The following RALGDS variants were observed in gnomAD, a reference collection of about 807,000 sequenced individuals.
RALGDS encodes ral guanine nucleotide exchange factor.
In RALGDS, 44 loss-of-function variants were observed where a neutral mutation model predicts 99.8. The ratio of observed to expected loss-of-function variants is 0.44; its 90% CI spans 0.35 to 0.57. RALGDS has a LOEUF of 0.57. RALGDS is among the 20% of genes least tolerant of loss of function. The pLI is 0.01. For missense variants in RALGDS, 1,022 were observed against 1,203.1 expected (o/e 0.85, Z 2.23); for synonymous variants, 529 against 505.0 (o/e 1.05, Z -0.64).
chr9:133,108,065 C>A lies in RALGDS; in HGVS notation c.1120G>T (p.Gly374Trp). The part of the protein sequence containing the change: ...SWPSPVVAEN[G>W]LSEEKPHLLV... ...AGGTGAGGCTTCTCCTCACTCAGCCCGTTCTCTGCAACCACAGGTGAAGGC... is the reference window on the plus strand; with the variant it reads ...AGGTGAGGCTTCTCCTCACTCAGCCAGTTCTCTGCAACCACAGGTGAAGGC... Residue 374 changes from glycine to tryptophan, a missense_variant, in exon 6 of 18, where the codon GGG becomes TGG. Transcript: ENST00000372050. 5 of 1,613,672 alleles carry A rather than the reference C, an allele frequency of 3.1e-6. No individual in the cohort carries two copies. The highest frequency in any genetic ancestry group is 2.2e-5 in the South Asian group (2 of 91,086).
intron 1 of RALGDS, among the ~76,000 whole-genome samples, chr9:133,141,510 C>A (rs1399770670): frequency 6.6e-6 from 1 of 151,336 alleles, no homozygotes; most frequent in African/African-American, 2.4e-5. Context: ...TCAGGGCAGA[C>A]AGGGAGGCTC....
At chr9:133,131,024 C>A (rs1564251498) in exon 1 of RALGDS, 4 of 1,534,916 alleles carry the variant, frequency 2.6e-6, no homozygotes, top group Non-Finnish European at 3.5e-6. Flanking sequence ...GGGAGCAGAA[C>A]AGCAGAGGCG....
intron 1 of RALGDS, among the ~76,000 whole-genome samples, chr9:133,142,649 A>T (rs528561796): frequency 6.6e-6 from 1 of 151,914 alleles, no homozygotes; most frequent in Non-Finnish European, 1.5e-5. Context: ...GGGCCCACAT[A>T]CCCCTGGCCC....
At chr9:133,107,630 G>A (rs1459258381) in intron 6 of RALGDS, among the ~76,000 whole-genome samples, 1 of 152,176 alleles carries the variant, frequency 6.6e-6, no homozygotes, top group Non-Finnish European at 1.5e-5. Flanking sequence ...ATAGGCTCCA[G>A]GACACACCAA....
chr9:133,099,172 C>T (rs973938234), intron 17 of RALGDS: 6 of 213,158 alleles, frequency 2.8e-5, no homozygotes, highest in East Asian at 2.3e-4. Context: ...CTCTGGCGCC[C>T]GTTCCAGGGA....
chr9:133,111,980 T>TG (rs1184227305), intron 2 of RALGDS, 62 bp downstream of exon 2: 2 of 1,307,668 alleles, frequency 1.5e-6, no homozygotes, highest in African/African-American at 1.5e-5. Flanking sequence ...GGCCCTCAAG[T>TG]GAAAAAGTCC....
At chr9:133,138,405 G>C (rs1239983947) in intron 1 of RALGDS, among the ~76,000 whole-genome samples, 1 of 152,136 alleles carries the variant, frequency 6.6e-6, no homozygotes, top group Non-Finnish European at 1.5e-5. Flanking sequence ...TGCCTCACCT[G>C]GGATGCCTGA....
chr9:133,140,947 C>T (rs1453852835), intron 1 of RALGDS, among the ~76,000 whole-genome samples: 1 of 152,136 alleles, frequency 6.6e-6, no homozygotes, highest in Non-Finnish European at 1.5e-5. Flanking sequence ...CTGGGGGTGG[C>T]TGGGCAGAGT....
chr9:133,141,619 G>T (rs922095055), intron 1 of RALGDS, among the ~76,000 whole-genome samples: 1 of 152,252 alleles, frequency 6.6e-6, no homozygotes, highest in African/African-American at 2.4e-5. Context: ...CTCACCTGAG[G>T]ACCAGGGGCC....
intron 3 of RALGDS, 64 bp from the exon 4 acceptor site, chr9:133,109,785 G>T: frequency 7.0e-7 from 1 of 1,427,534 alleles, no homozygotes; most frequent in Non-Finnish European, 9.9e-7. Context: ...AGGAGGGCAG[G>T]GATTTTTTTT....
chr9:133,144,047 G>A lies in RALGDS; in HGVS notation c.18+4916C>T, dbSNP rs1267389138. Among the ~76,000 whole-genome samples, 1 of 152,108 alleles carries A rather than the reference G, an allele frequency of 6.6e-6. No homozygotes were observed. The highest frequency in any genetic ancestry group is 1.5e-5 in the Non-Finnish European group (1 of 68,018). ...CCTCAGGCATCCCAGCTCCCCTGAG[G>A]CAGGGTCTGGGGCTGGGGTTGGGGG... On this transcript the variant is annotated intron_variant, in intron 1 of 17. Transcript: ENST00000393160. The surrounding 1 kb of genome is among the most constrained non-coding windows in gnomAD (Gnocchi z 4.5).
chr9:133,130,708 A>T (rs1588565638), intron 1 of RALGDS, among the ~76,000 whole-genome samples: 1 of 152,124 alleles, frequency 6.6e-6, no homozygotes, highest in South Asian at 2.1e-4. Flanking sequence ...TTTGCTGCAA[A>T]CCAGACATTG....
At chr9:133,127,162 G>T (rs988282066) in intron 1 of RALGDS, among the ~76,000 whole-genome samples, 2 of 152,254 alleles carry the variant, frequency 1.3e-5, no homozygotes, top group African/African-American at 4.8e-5. Flanking sequence ...CATAAAAGCT[G>T]CCCCTGTGGA....
At chr9:133,141,077 G>A (rs1204611749) in intron 1 of RALGDS, among the ~76,000 whole-genome samples, 1 of 152,196 alleles carries the variant, frequency 6.6e-6, no homozygotes, top group African/African-American at 2.4e-5. Flanking sequence ...GGGAGGCTCA[G>A]AGGGGTGAAA....
intron 9 of RALGDS, 45 bp downstream of exon 9, chr9:133,105,887 C>CTG (rs1831024548): frequency 1.3e-5 from 1 of 77,536 alleles, no homozygotes; most frequent in African/African-American, 6.0e-5. Flanking sequence ...CAGCCCCCGC[C>CTG]CCAGCCCCCG....
intron 2 of RALGDS, among the ~76,000 whole-genome samples, chr9:133,110,819 C>T (rs951590322): frequency 6.6e-5 from 10 of 152,118 alleles, no homozygotes; most frequent in Non-Finnish European, 1.2e-4. Flanking sequence ...TAGTAGCTTA[C>T]GCCTGTCATC....
intron 1 of RALGDS, among the ~76,000 whole-genome samples, chr9:133,130,464 T>C (rs1254451116): frequency 6.6e-6 from 1 of 152,100 alleles, no homozygotes; most frequent in Admixed American, 6.6e-5. Context: ...CAATGGTTTG[T>C]TTCATTAAGT....
At chr9:133,122,324 C>G (rs1235881872), upstream of RALGDS, among the ~76,000 whole-genome samples, 3 of 152,254 alleles carry the variant, frequency 2.0e-5, no homozygotes, top group African/African-American at 4.8e-5. Flanking sequence ...CTGCCCTGGC[C>G]TCAGCCTTCA....
At chr9:133,107,955 C>T (rs781730318) in intron 6 of RALGDS, 33 bp downstream of exon 6, 2 of 1,610,222 alleles carry the variant, frequency 1.2e-6, no homozygotes, top group Non-Finnish European at 1.7e-6. Context: ...AGAAGGCAGG[C>T]CCACCCCTGC....
Sources: gnomAD v4.1 joint callset for allele counts (sites outside exome capture counted in the v4.1 genomes callset) on GRCh38, gnomAD v4.1.1 for gene constraint, Gnocchi (gnomAD v3.1) non-coding constraint, MANE v1.5 for transcripts, NCBI Gene and HGNC (gene_info 2026-07-23, HGNC 2026-07-21) for gene names.